Variants in CXCL9 observed in about 807,000 individuals in gnomAD.
The protein encoded by CXCL9 is C-X-C motif chemokine 9.
In CXCL9, 8 loss-of-function variants were observed where a neutral mutation model predicts 11.7. That is an observed-to-expected ratio of 0.68 (90% CI 0.40 to 1.23). The LOEUF (loss-of-function observed/expected upper bound fraction) is 1.23, where lower values mean the gene tolerates loss of function less well. Ranked by LOEUF, CXCL9 falls within the 50% of genes most tolerant of loss-of-function variation. CXCL9 has a pLI of 0.01. For synonymous variants in CXCL9, 43 were observed against 48.2 expected (o/e 0.89, Z 0.45); for missense variants, 133 against 141.7 (o/e 0.94, Z 0.31).
intron 3 of CXCL9, 87 bp downstream of exon 3, chr4:76,004,722 C>T (rs2149341886): frequency 2.0e-6 from 3 of 1,487,182 alleles, no homozygotes; most frequent in Non-Finnish European, 2.7e-6. Context: ...GTTATGTATT[C>T]TTATAGTGTT....
rs762672149 is a variant in CXCL9, at chr4:76,006,561, G to A, written c.65-287C>T. On this transcript the variant is annotated intron_variant, in intron 1 of 3. Coordinates refer to ENST00000264888, the MANE Select transcript of CXCL9 (RefSeq NM_002416.3). ...AGGCGTTGCTCTTAACTACCACACC[G>A]TAAGTCCGTGGGAGAAAAAGAGACT... Among the ~76,000 whole-genome samples, 8 of 152,290 alleles carry A rather than the reference G, an allele frequency of 5.3e-5. No individual in the cohort carries two copies. The East Asian group carries it at 1.2e-3, about 22-fold the overall frequency.
In CXCL9 at chr4:76,006,253, C is replaced by A. The variant is rs749657288; in HGVS notation, c.86G>T (p.Gly29Val). 1.2e-5 allele frequency: 20 copies of A among 1,613,544 alleles called. 1 individual carries two copies. In the African/African-American group the frequency reaches 1.6e-4, roughly 13 times the overall value. ...GVQGTPVVRK[G>V]RCSCISTNQG... ...GTTGGTGCTGATGCAGGAACAGCGA[C>A]CCTTTCTCACTACTGGGGTTCCTGA... Residue 29 changes from glycine (G) to valine (V), a missense_variant, in exon 2 of 4, where the codon GGT becomes GTT. Coordinates refer to ENST00000264888, the MANE Select transcript of CXCL9 (RefSeq NM_002416.3).
chr4:76,004,555 A>T (rs1383258945), intron 3 of CXCL9, among the ~76,000 whole-genome samples: 1 of 152,176 alleles, frequency 6.6e-6, no homozygotes, highest in Non-Finnish European at 1.5e-5. Flanking sequence ...AATTCATTAC[A>T]TATTTATTGT....
chr4:76,004,737 A>G, intron 3 of CXCL9, 72 bp downstream of exon 3: 1 of 1,528,364 alleles, frequency 6.5e-7, no homozygotes, highest in Admixed American at 2.2e-5. Context: ...AGTGTTAATG[A>G]AAAAGCAGAT....
At chr4:76,004,636 T>A (rs1032030911) in intron 3 of CXCL9, among the ~76,000 whole-genome samples, 173 bp downstream of exon 3, 4 of 152,220 alleles carry the variant, frequency 2.6e-5, no homozygotes, top group Non-Finnish European at 5.9e-5. Flanking sequence ...GAGGGGATAC[T>A]ATATGTAGGA....
chr4:76,003,652 C>T lies in CXCL9; in HGVS notation c.324G>A (p.Lys108=). The change falls in exon 4 of 4, where the codon AAG becomes AAA. Residue 108 remains lysine, a synonymous_variant. Transcript: ENST00000264888. ...KQKNGKKHQK[K]KVLKVRKSQR... Reference sequence around the variant, plus strand: ...GAGATTTTCGAACTTTCAGAACTTTCTTTTTTTGATGTTTTTTCCCATTCT... The same window carrying T: ...GAGATTTTCGAACTTTCAGAACTTTTTTTTTTTGATGTTTTTTCCCATTCT... 2 of 1,612,772 alleles carry T rather than the reference C, an allele frequency of 1.2e-6. No homozygotes were observed. Among genetic ancestry groups the T allele is most frequent in the Non-Finnish European group, 1.7e-6 (2 of 1,179,428 alleles).
intron 1 of CXCL9, 125 bp from the exon 2 acceptor site, chr4:76,006,399 A>G (rs1432123045): frequency 2.2e-6 from 2 of 911,360 alleles, no homozygotes; most frequent in Non-Finnish European, 1.7e-6. Context: ...CCTAAAAATA[A>G]TCACCACAAA....
At chr4:76,005,044 ATTT>A in intron 2 of CXCL9, 151 bp from the exon 3 acceptor site, 4 of 944,472 alleles carry the variant, frequency 4.2e-6, no homozygotes, top group Non-Finnish European at 5.4e-6. Context: ...CACTGGTTGA[ATTT>A]TTTTTTTTTT....
chr4:76,006,172 G>T lies in CXCL9; in HGVS notation c.167C>A (p.Pro56His). The part of the protein sequence containing the change: ...LKDLKQFAPS[P>H]SCEKIEIIAT... ...CATGATTTCAATTTTCTCGCAGGAA[G>T]GGCTTGGGGCAAATTGTTTAAGGTC... The change falls in exon 2 of 4, where the codon CCT becomes CAT. Residue 56 changes from proline (P) to histidine (H), a missense_variant. Coordinates refer to ENST00000264888, the MANE Select transcript of CXCL9 (RefSeq NM_002416.3). 1 of 1,613,660 alleles carries T rather than the reference G, an allele frequency of 6.2e-7. No homozygotes were observed. The highest frequency in any genetic ancestry group is 8.5e-7 in the Non-Finnish European group (1 of 1,179,638).
At chr4:76,006,368 A>G (rs763932030) in intron 1 of CXCL9, 94 bp from the exon 2 acceptor site, 29 of 1,263,264 alleles carry the variant, frequency 2.3e-5, no homozygotes, top group Non-Finnish European at 3.2e-5. Flanking sequence ...AGTCATGATT[A>G]TTGCTATCAT....
rs369577234 is a variant in CXCL9 at position 76,002,813 on chromosome 4, C to T, written c.*785G>A. The T allele has an allele frequency of 1.3e-3, 198 of 155,386 alleles. 3 individuals carry two copies. Among genetic ancestry groups the T allele is most frequent in the African/African-American group, 4.4e-3 (183 of 41,724 alleles). The allele number at this position is 155,386 out of a possible 1,614,324, so 9.6% of individuals were successfully genotyped here. ...GAGGATGAATTGGGAGAAGAAAGCACTTCTGTGGGGTGTTGGGGACAAGAT... is the reference window on the plus strand; with the variant it reads ...GAGGATGAATTGGGAGAAGAAAGCATTTCTGTGGGGTGTTGGGGACAAGAT... On this transcript the variant is annotated 3_prime_UTR_variant, in exon 4 of 4. Coordinates refer to ENST00000264888, the MANE Select transcript of CXCL9 (RefSeq NM_002416.3).
At chr4:76,004,002 C>T (rs547537937) in intron 3 of CXCL9, among the ~76,000 whole-genome samples, 1 of 152,292 alleles carries the variant, frequency 6.6e-6, no homozygotes, top group African/African-American at 2.4e-5. Context: ...TTATCATCCA[C>T]GTTTTACATA....
chr4:76,004,394 C>T (rs746440771), intron 3 of CXCL9, among the ~76,000 whole-genome samples: 4 of 152,162 alleles, frequency 2.6e-5, no homozygotes, highest in Non-Finnish European at 5.9e-5. Flanking sequence ...CTGCCCCATT[C>T]CCCCAGCAAA....
At chr4:76,006,832 CT>C (rs1229190715) in intron 1 of CXCL9, among the ~76,000 whole-genome samples, 1 of 152,158 alleles carries the variant, frequency 6.6e-6, no homozygotes, top group Non-Finnish European at 1.5e-5. Flanking sequence ...TTGAAAACCC[CT>C]TAAAATACAT....
At position 76,005,996 on chromosome 4, in the gene CXCL9, GAAGAA is replaced by G. The variant is rs1578167550; in HGVS notation, c.191+147_191+151del. The G allele has an allele frequency of 1.9e-5, 12 of 619,354 alleles. No homozygotes were observed. In the East Asian group the frequency reaches 3.5e-4, roughly 18 times the overall value. The allele number at this position is 619,354 out of a possible 1,614,324, so 38.4% of individuals were successfully genotyped here. A position where few individuals can be genotyped will look rare whatever the true frequency, so the allele number is the denominator to read the frequency against. On this transcript the variant is annotated intron_variant, in intron 2 of 3. Transcript: ENST00000264888. ...CAGAAATTCCTTGCATTTTTAAGGA[GAAGAA>G]AAGAAAGGAGCTGCCCAAATTTATG...
chr4:76,006,398 A>C, intron 1 of CXCL9, 124 bp from the exon 2 acceptor site: 2 of 910,052 alleles, frequency 2.2e-6, no homozygotes, highest in Admixed American at 2.5e-5. Context: ...GCCTAAAAAT[A>C]ATCACCACAA....
At chr4:76,005,884 A>T in intron 2 of CXCL9, 1 of 314,012 alleles carries the variant, frequency 3.2e-6, no homozygotes, top group Non-Finnish European at 6.1e-6. Context: ...GGGTAGAATT[A>T]TGCGTGATTT....
intron 3 of CXCL9, among the ~76,000 whole-genome samples, chr4:76,004,158 A>T (rs1731533386): frequency 1.3e-5 from 2 of 152,146 alleles, no homozygotes; most frequent in African/African-American, 4.8e-5. Flanking sequence ...TTAGTATGCC[A>T]TGCAGGATTC....
chr4:76,004,873 A>C lies in CXCL9; in HGVS notation c.212T>G (p.Val71Gly), dbSNP rs569336277. The change falls in exon 3 of 4, where the codon GTT (valine) becomes GGT (glycine). Residue 71 changes from valine (V) to glycine (G), a missense_variant. Transcript: ENST00000264888. Reference sequence around the variant, plus strand: ...TGAATCTGGGTTTAGACATGTTTGAACTCCATTCTTCAGTGTAGCACTGCC... The same window carrying C: ...TGAATCTGGGTTTAGACATGTTTGACCTCCATTCTTCAGTGTAGCACTGCC... Reference protein sequence around the residue: ...IEIIATLKNGVQTCLNPDSAD... With the variant: ...IEIIATLKNGGQTCLNPDSAD... The C allele has an allele frequency of 6.2e-7, 1 of 1,605,634 alleles. No individual in the cohort carries two copies. The highest frequency in any genetic ancestry group is 1.1e-5 in the South Asian group (1 of 88,712).
Sources: allele counts gnomAD v4.1 joint callset (sites outside exome capture counted in the v4.1 genomes callset), GRCh38; gene constraint gnomAD v4.1.1; transcripts MANE v1.5; gene names NCBI Gene and HGNC (gene_info 2026-07-23, HGNC 2026-07-21).